The following AOPEP variants were observed in gnomAD, a reference collection of about 807,000 sequenced individuals.
AOPEP encodes the protein aminopeptidase O (putative), also known as aminopeptidase O.
Under a neutral mutation model 98.1 loss-of-function variants are expected in AOPEP, and 77 were observed. The ratio of observed to expected loss-of-function variants is 0.78; its 90% CI spans 0.65 to 0.95. The LOEUF (loss-of-function observed/expected upper bound fraction) is 0.95. Ranked by LOEUF, AOPEP falls within the 40% of genes least tolerant of loss-of-function variation. The probability of loss-of-function intolerance (pLI) is 0.00; values close to 1 mark genes in which losing one functional copy is unlikely to be tolerated. For missense variants in AOPEP, 1,024 were observed against 1,024.7 expected, an observed-to-expected ratio of 1.00 and a Z score of 0.01; for synonymous variants, 346 against 365.3, an observed-to-expected ratio of 0.95 and a Z score of 0.60.
intron 5 of AOPEP, among the ~76,000 whole-genome samples, chr9:94,839,262 T>C (rs1421023343): frequency 6.6e-6 from 1 of 151,024 alleles, no homozygotes; most frequent in Admixed American, 6.6e-5. Context: ...ATTTTTTGTA[T>C]TTTTTTTTGG....
the AOPEP span, among the ~76,000 whole-genome samples, chr9:95,121,549 ATTGT>A: frequency 6.6e-6 from 1 of 152,236 alleles, no homozygotes; most frequent in Admixed American, 6.5e-5. Context: ...CCAGAGCAAC[ATTGT>A]TTGTAATAAA....
intron 1 of AOPEP, among the ~76,000 whole-genome samples, chr9:94,748,164 G>A (rs1299621731): frequency 2.6e-5 from 4 of 152,078 alleles, no homozygotes; most frequent in African/African-American, 9.7e-5. Flanking sequence ...GCACCTGAAA[G>A]GTATCATTTC....
At chr9:94,988,350 C>T (rs12337251) in intron 11 of AOPEP, among the ~76,000 whole-genome samples, 1 of 152,056 alleles carries the variant, frequency 6.6e-6, no homozygotes, top group Non-Finnish European at 1.5e-5. Flanking sequence ...CTTTCACAAT[C>T]TCGGATTAGA....
the AOPEP span, among the ~76,000 whole-genome samples, chr9:95,094,042 CCTCT>C: frequency 6.6e-6 from 1 of 152,048 alleles, no homozygotes; most frequent in African/African-American, 2.4e-5. Context: ...TTCTCTCGTT[CCTCT>C]CTCTCCCCCA....
At chr9:95,131,873 T>A in the AOPEP span, among the ~76,000 whole-genome samples, 3 of 152,118 alleles carry the variant, frequency 2.0e-5, no homozygotes, top group Non-Finnish European at 2.9e-5. Flanking sequence ...CTTTCTGAAG[T>A]GCTACAATTG....
intron 5 of AOPEP, among the ~76,000 whole-genome samples, chr9:94,818,973 G>A (rs1392860696): frequency 6.6e-6 from 1 of 152,178 alleles, no homozygotes; most frequent in African/African-American, 2.4e-5. Flanking sequence ...CAGCCTGGGC[G>A]ACAGAGTGAG....
At chr9:95,135,665 C>T in the AOPEP span, 1 of 634,710 alleles carries the variant, frequency 1.6e-6, no homozygotes, top group South Asian at 2.0e-5. Context: ...TTACCAAGTG[C>T]TCATTTGCAA....
the AOPEP span, among the ~76,000 whole-genome samples, chr9:95,136,052 C>G: frequency 3.3e-5 from 5 of 152,146 alleles, no homozygotes; most frequent in Admixed American, 6.5e-5. Flanking sequence ...ACATAAATAT[C>G]CAATAACTAA....
At chr9:95,026,069 A>C (rs907753493) in intron 13 of AOPEP, among the ~76,000 whole-genome samples, 1 of 152,240 alleles carries the variant, frequency 6.6e-6, no homozygotes, top group Non-Finnish European at 1.5e-5. Flanking sequence ...CTGCATTCTC[A>C]TAATGCTAAT....
chr9:94,754,842 G>T (rs116349933), intron 1 of AOPEP, among the ~76,000 whole-genome samples: 2 of 152,300 alleles, frequency 1.3e-5, no homozygotes, highest in South Asian at 2.1e-4. Context: ...AATTGTTTTC[G>T]TTGGGGTGAT....
At chr9:94,822,326 C>T (rs1564196640) in intron 5 of AOPEP, among the ~76,000 whole-genome samples, 1 of 152,202 alleles carries the variant, frequency 6.6e-6, no homozygotes, top group Non-Finnish European at 1.5e-5. Flanking sequence ...GTGAAATAGA[C>T]TTGTGCTTGT....
chr9:94,963,648 A>G (rs1485535866), intron 9 of AOPEP, among the ~76,000 whole-genome samples: 1 of 152,218 alleles, frequency 6.6e-6, no homozygotes, highest in South Asian at 2.1e-4. Context: ...GTTTTCAGGC[A>G]CACTGCAGAG....
rs921667036 is a variant in AOPEP at position 95,074,819 on chromosome 9, C to G, written c.2233-5875C>G. Among the ~76,000 whole-genome samples, 3 of 152,364 alleles carry G rather than the reference C, an allele frequency of 2.0e-5. No individual in the cohort carries two copies. In the East Asian group the frequency reaches 5.8e-4, roughly 29 times the overall value. On this transcript the variant is annotated intron_variant, in intron 14 of 16. Transcript: ENST00000375315. ...GAGGCCAGCCAGGCCCAGGCCGCAC[C>G]TGCTCTTCCCCCTCCCAGGCCACCT...
the AOPEP span, among the ~76,000 whole-genome samples, chr9:95,112,808 T>C: frequency 6.6e-6 from 1 of 152,248 alleles, no homozygotes; most frequent in African/African-American, 2.4e-5. Context: ...AGGTATCTCA[T>C]GGCTCCAAGG....
At chr9:95,035,033 A>G (rs1167314789) in intron 13 of AOPEP, among the ~76,000 whole-genome samples, 2 of 149,712 alleles carry the variant, frequency 1.3e-5, no homozygotes, top group Admixed American at 1.3e-4. Context: ...GCCTTGTTAC[A>G]TAGGTATACA....
At chr9:95,018,946 A>G (rs1381085034) in intron 13 of AOPEP, 5 of 152,198 alleles carry the variant, frequency 3.3e-5, no homozygotes, top group African/African-American at 7.2e-5. Flanking sequence ...TGCTTACGTG[A>G]TGGCATGTGG....
the AOPEP span, among the ~76,000 whole-genome samples, chr9:95,096,777 C>G: frequency 6.6e-6 from 1 of 152,244 alleles, no homozygotes; most frequent in Admixed American, 6.5e-5. Context: ...GAACCTCACA[C>G]CAAAGTATGT....
chr9:94,831,994 G>A (rs1490680547), intron 5 of AOPEP, among the ~76,000 whole-genome samples: 23 of 152,100 alleles, frequency 1.5e-4, no homozygotes, highest in Admixed American at 1.5e-3. Flanking sequence ...AAAAGGTGAT[G>A]ATCATTAAAA....
chr9:95,086,713 TCCTCCTAGCCTGGGGGACC>T lies in AOPEP; in HGVS notation c.*37_*55del. ...CCACAGCAAGATTCTTTCATTCGTC[TCCTCCTAGCCTGGGGGACC>T]AGGCTCGAACTGACCCTGGACATCA... On this transcript the variant is annotated 3_prime_UTR_variant, in exon 17 of 17. Transcript: ENST00000375315. The T allele has an allele frequency of 1.0e-6, 1 of 988,350 alleles. No individual in the cohort carries two copies. The highest frequency in any genetic ancestry group is 1.1e-4 in the East Asian group (1 of 8,812). The allele number at this position is 988,350 out of a possible 1,614,324, so 61.2% of individuals were successfully genotyped here.
Sources: allele counts gnomAD v4.1 joint callset (sites outside exome capture counted in the v4.1 genomes callset), GRCh38; gene constraint gnomAD v4.1.1; transcripts MANE v1.5; gene names NCBI Gene and HGNC (gene_info 2026-07-23, HGNC 2026-07-21).